Variants in CNTN6 observed in about 807,000 individuals in gnomAD.
CNTN6 encodes the protein contactin 6.
A neutral mutation model predicts 122.8 loss-of-function variants in CNTN6; 137 were observed. The ratio of observed to expected loss-of-function variants is 1.12; its 90% confidence interval spans 0.97 to 1.29. CNTN6 has a LOEUF of 1.29. CNTN6 is among the 50% of genes most tolerant of loss of function. The pLI is 0.00. For missense variants in CNTN6, 1,634 were observed against 1,223.4 expected, an observed-to-expected ratio of 1.34 and a Z score of -5.01; for synonymous variants, 570 against 426.0, an observed-to-expected ratio of 1.34 and a Z score of -4.16.
intron 5 of CNTN6, among the ~76,000 whole-genome samples, chr3:1,288,075 G>A (rs1242946385): frequency 6.6e-6 from 1 of 152,170 alleles, no homozygotes; most frequent in Admixed American, 6.5e-5. Flanking sequence ...CAGTTTTGGG[G>A]TTTGCCTTGA....
intron 4 of CNTN6, among the ~76,000 whole-genome samples, chr3:1,264,146 T>C (rs1160230822): frequency 6.6e-6 from 1 of 152,058 alleles, no homozygotes; most frequent in African/African-American, 2.4e-5. Context: ...CTATTTAAAG[T>C]CATCTTTATT....
chr3:1,317,817 A>G (rs1346419649), intron 7 of CNTN6, among the ~76,000 whole-genome samples: 1 of 151,444 alleles, frequency 6.6e-6, no homozygotes, highest in African/African-American at 2.4e-5. Flanking sequence ...ACCTAATGCC[A>G]GAGGTGTGGT....
chr3:1,372,845 T>C lies in CNTN6; in HGVS notation c.1676T>C (p.Val559Ala). 6.3e-7 allele frequency: 1 copy of C among 1,588,686 alleles called. No individual in the cohort carries two copies. Among genetic ancestry groups the C allele is most frequent in the South Asian group, 1.1e-5 (1 of 89,334 alleles). ...CTCCCTTTCTGTCTGCAGGAATCTG[T>C]TGGGGATTTGATGATAAGGAATATT... The part of the protein sequence containing the change: ...AHFERIGGES[V>A]GDLMIRNIQL... The change falls in exon 14 of 23, where the codon GTT becomes GCT. Residue 559 changes from valine to alanine, a missense_variant. Val to Ala is a moderately conservative substitution (Grantham distance 64). Coordinates refer to ENST00000446702, the MANE Select transcript of CNTN6 (RefSeq NM_001289080.2).
intron 2 of CNTN6, among the ~76,000 whole-genome samples, chr3:1,185,267 T>C (rs1372827762): frequency 6.6e-6 from 1 of 152,162 alleles, no homozygotes; most frequent in African/African-American, 2.4e-5. Flanking sequence ...TTGAAAAATT[T>C]TGTATTTATT....
At chr3:1,116,765 C>A (rs1261082723) in intron 1 of CNTN6, among the ~76,000 whole-genome samples, 1 of 133,310 alleles carries the variant, frequency 7.5e-6, no homozygotes, top group Non-Finnish European at 1.5e-5. Flanking sequence ...AGTGCAGTGG[C>A]ATAATCTCAG....
At chr3:1,368,438 T>C (rs1356510550) in intron 12 of CNTN6, among the ~76,000 whole-genome samples, 1 of 152,204 alleles carries the variant, frequency 6.6e-6, no homozygotes, top group African/African-American at 2.4e-5. Flanking sequence ...CAGTGTATAA[T>C]TCATCAGAAA....
intron 11 of CNTN6, among the ~76,000 whole-genome samples, chr3:1,335,328 C>T (rs1702898291): frequency 6.6e-6 from 1 of 152,100 alleles, no homozygotes; most frequent in Non-Finnish European, 1.5e-5. Flanking sequence ...CTCTGGCAGC[C>T]AAGGAACAAC....
intron 4 of CNTN6, among the ~76,000 whole-genome samples, chr3:1,257,408 A>C (rs1168587641): frequency 6.6e-6 from 1 of 152,110 alleles, no homozygotes; most frequent in Admixed American, 6.6e-5. Context: ...GCACATGCAG[A>C]AACATTATTT....
intron 1 of CNTN6, among the ~76,000 whole-genome samples, chr3:1,113,176 A>G (rs1420296800): frequency 2.0e-5 from 3 of 152,186 alleles, no homozygotes; most frequent in Non-Finnish European, 4.4e-5. Flanking sequence ...GGTAGAAGTA[A>G]TATATTGCCT....
intron 4 of CNTN6, among the ~76,000 whole-genome samples, chr3:1,243,739 A>G (rs1280089743): frequency 6.6e-6 from 1 of 152,182 alleles, no homozygotes; most frequent in East Asian, 1.9e-4. Flanking sequence ...GGTGGGGAAG[A>G]GCTAGTCACA....
intron 7 of CNTN6, among the ~76,000 whole-genome samples, chr3:1,311,294 T>C (rs1425113531): frequency 6.9e-6 from 1 of 145,150 alleles, no homozygotes; most frequent in Non-Finnish European, 1.5e-5. Context: ...TATATATACA[T>C]ATACGTATAT....
chr3:1,237,821 GAC>G (rs1328056729), intron 4 of CNTN6, among the ~76,000 whole-genome samples: 1 of 152,050 alleles, frequency 6.6e-6, no homozygotes, highest in African/African-American at 2.4e-5. Flanking sequence ...ATGAAGGAAA[GAC>G]ACAGTCTTTT....
At chr3:1,128,772 G>GT (rs11434155) in intron 1 of CNTN6, among the ~76,000 whole-genome samples, 62,599 of 151,700 alleles carry the variant, frequency 0.41, 13,056 homozygotes, top group East Asian at 0.46. Flanking sequence ...TGTTTCTAAA[G>GT]TTTTTAAAAA....
At chr3:1,185,388 T>C (rs1231346750) in intron 2 of CNTN6, among the ~76,000 whole-genome samples, 1 of 152,202 alleles carries the variant, frequency 6.6e-6, no homozygotes, top group African/African-American at 2.4e-5. Flanking sequence ...AAATATTCAC[T>C]TTGATACCAA....
chr3:1,142,102 C>T (rs1037174015), intron 1 of CNTN6, among the ~76,000 whole-genome samples: 1 of 151,820 alleles, frequency 6.6e-6, no homozygotes, highest in Non-Finnish European at 1.5e-5. Flanking sequence ...GAGGTCCAGC[C>T]ATTATTTGAC....
At chr3:1,400,812 C>A (rs554992812) in intron 20 of CNTN6, among the ~76,000 whole-genome samples, 44 of 152,124 alleles carry the variant, frequency 2.9e-4, no homozygotes, top group Middle Eastern at 3.4e-3. Flanking sequence ...TACTCTCTGG[C>A]AAGATGAGTA....
chr3:1,347,782 T>C (rs1465766732), intron 11 of CNTN6, among the ~76,000 whole-genome samples: 1 of 152,104 alleles, frequency 6.6e-6, no homozygotes, highest in Non-Finnish European at 1.5e-5. Flanking sequence ...TAGAGCATTG[T>C]AGATCAAAAA....
chr3:1,350,923 T>A (rs1705530615), intron 11 of CNTN6, among the ~76,000 whole-genome samples: 1 of 151,918 alleles, frequency 6.6e-6, no homozygotes. Flanking sequence ...ATAGAATAGT[T>A]TTGTTACTCT....
chr3:1,124,936 C>T (rs1282597949), intron 1 of CNTN6, among the ~76,000 whole-genome samples: 2 of 151,880 alleles, frequency 1.3e-5, no homozygotes, highest in Non-Finnish European at 2.9e-5. Flanking sequence ...CGTATTATTG[C>T]TCCTATTTGC....
Sources: allele counts gnomAD v4.1 joint callset (sites outside exome capture counted in the v4.1 genomes callset), GRCh38; gene constraint gnomAD v4.1.1; transcripts MANE v1.5; gene names NCBI Gene and HGNC (gene_info 2026-07-23, HGNC 2026-07-21).